The following TNRC6A variants were observed in gnomAD, a reference collection of about 807,000 sequenced individuals.
TNRC6A encodes the protein trinucleotide repeat-containing gene 6A protein.
A neutral mutation model predicts 221.2 loss-of-function variants in TNRC6A; 44 were observed. The observed-to-expected ratio is 0.20, with a 90% CI of 0.16 to 0.26. The LOEUF (loss-of-function observed/expected upper bound fraction) is 0.26, where lower values mean the gene tolerates loss of function less well. TNRC6A is among the 10% of genes least tolerant of loss of function. The pLI, the probability that TNRC6A is intolerant of heterozygous loss-of-function variation, is 1.00. For synonymous variants in TNRC6A, 847 were observed against 838.5 expected, an observed-to-expected ratio of 1.01 and a Z score of -0.18; for missense variants, 2,199 against 2,404.4, an observed-to-expected ratio of 0.91 and a Z score of 1.79.
At chr16:24,663,813 G>T (rs566310043) in intron 2 of TNRC6A, 7 of 422,474 alleles carry the variant, frequency 1.7e-5, no homozygotes, top group Non-Finnish European at 2.4e-5. Flanking sequence ...CAGCATGACC[G>T]CAGGCACCCA....
chr16:24,808,839 GA>G (rs1174698134), intron 17 of TNRC6A, among the ~76,000 whole-genome samples: 1 of 152,130 alleles, frequency 6.6e-6, no homozygotes, highest in African/African-American at 2.4e-5. Context: ...ACTCTTTTAA[GA>G]AAAACTAGCT....
intron 2 of TNRC6A, among the ~76,000 whole-genome samples, chr16:24,746,537 A>G (rs1339894314): frequency 6.6e-6 from 1 of 152,202 alleles, no homozygotes; most frequent in Non-Finnish European, 1.5e-5. Flanking sequence ...TGATTACAGG[A>G]TGATTTAACT....
At chr16:24,805,267 T>C in intron 14 of TNRC6A, 116 bp downstream of exon 14, 1 of 1,402,468 alleles carries the variant, frequency 7.1e-7, no homozygotes, top group Non-Finnish European at 9.7e-7. Flanking sequence ...TCTTTGAGAT[T>C]CAGCTAGTTT....
chr16:24,611,709 AG>A (rs1406798155), intron 1 of TNRC6A, among the ~76,000 whole-genome samples: 3 of 152,204 alleles, frequency 2.0e-5, no homozygotes, highest in Non-Finnish European at 4.4e-5. Flanking sequence ...AGGACAGATT[AG>A]AATGATGTTT....
chr16:24,664,540 T>A (rs1392535681), intron 2 of TNRC6A, among the ~76,000 whole-genome samples: 1 of 142,802 alleles, frequency 7.0e-6, no homozygotes, highest in East Asian at 2.0e-4. Flanking sequence ...TATATATTTT[T>A]AAAATATAAT....
intron 2 of TNRC6A, among the ~76,000 whole-genome samples, chr16:24,672,462 G>GA (rs1555487828): frequency 1.3e-5 from 2 of 151,118 alleles, no homozygotes; most frequent in Non-Finnish European, 2.9e-5. Flanking sequence ...TTTTTTTTGA[G>GA]ACAGGGTCTC....
chr16:24,657,475 C>T (rs1174077501), intron 2 of TNRC6A, among the ~76,000 whole-genome samples: 1 of 151,872 alleles, frequency 6.6e-6, no homozygotes, highest in African/African-American at 2.4e-5. Flanking sequence ...TTTGGGAGGC[C>T]GAGGCGGGTG....
intron 2 of TNRC6A, chr16:24,661,456 C>T (rs958377374): frequency 1.3e-5 from 2 of 150,112 alleles, no homozygotes; most frequent in Admixed American, 6.6e-5. Flanking sequence ...ACTCTGTCCC[C>T]GGTCTGGAGT....
Position 24,809,449 on chromosome 16 carries a change from A to G in TNRC6A, c.4640A>G (p.Asn1547Ser). Residue 1547 changes from asparagine to serine, a missense_variant, in exon 18 of 25, where the codon AAC becomes AGC. Around this residue, in one of 8 missense-constraint regions of TNRC6A, gnomAD observed 449 missense variants for 579.7 expected, o/e 0.77. Coordinates refer to ENST00000395799, the MANE Select transcript of TNRC6A (RefSeq NM_014494.4). Reference protein sequence around the residue: ...KWTTVDSISVNTSLDQNSSKH... With the variant: ...KWTTVDSISVSTSLDQNSSKH... ...ACGACAGTGGACAGCATTTCTGTGA[A>G]CACATCTTTGGATCAAAACTCCAGC... 1 of 1,592,548 alleles carries G rather than the reference A, an allele frequency of 6.3e-7. No individual in the cohort carries two copies. The highest frequency in any genetic ancestry group is 8.6e-7 in the Non-Finnish European group (1 of 1,166,998).
At chr16:24,819,848 G>A in intron 21 of TNRC6A, 2 of 386,510 alleles carry the variant, frequency 5.2e-6, no homozygotes, top group Non-Finnish European at 4.7e-6. Context: ...CTATTTTAGA[G>A]CAATTCAGAT....
intron 4 of TNRC6A, 105 bp from the exon 5 acceptor site, chr16:24,776,828 T>G: frequency 6.6e-7 from 1 of 1,514,330 alleles, no homozygotes; most frequent in Non-Finnish European, 8.8e-7. Flanking sequence ...AAGCTTCTGT[T>G]TTTTTAGGAT....
chr16:24,751,827 G>T (rs960524570), intron 3 of TNRC6A, among the ~76,000 whole-genome samples: 5 of 152,176 alleles, frequency 3.3e-5, no homozygotes, highest in Non-Finnish European at 5.9e-5. Context: ...GGGAACTGTT[G>T]CAGTACAGAG....
chr16:24,615,574 C>A (rs1317509077), intron 1 of TNRC6A, among the ~76,000 whole-genome samples: 1 of 152,042 alleles, frequency 6.6e-6, no homozygotes, highest in Non-Finnish European at 1.5e-5. Context: ...GCTCATGAAG[C>A]CAAGAGGGCA....
chr16:24,681,651 C>T (rs2055536209), intron 2 of TNRC6A, among the ~76,000 whole-genome samples: 1 of 152,074 alleles, frequency 6.6e-6, no homozygotes, highest in African/African-American at 2.4e-5. Flanking sequence ...TGTAATTAGT[C>T]CAACTGTTAA....
intron 9 of TNRC6A, 76 bp from the exon 10 acceptor site, chr16:24,797,414 G>A: frequency 8.9e-7 from 1 of 1,119,800 alleles, no homozygotes; most frequent in Non-Finnish European, 1.3e-6. Context: ...ATTGTCTTAA[G>A]TTTTATTAAT....
intron 6 of TNRC6A, 121 bp downstream of exon 6, chr16:24,791,938 G>GA: frequency 3.4e-6 from 4 of 1,169,026 alleles, no homozygotes; most frequent in Non-Finnish European, 4.6e-6. Flanking sequence ...GAAGCAGCTT[G>GA]AAAAAAATTA....
At chr16:24,662,233 G>A (rs1596619447) in intron 2 of TNRC6A, 1 of 151,982 alleles carries the variant, frequency 6.6e-6, no homozygotes, top group African/African-American at 2.4e-5. Context: ...GAGGATTACT[G>A]GAGTCCAGAA....
chr16:24,764,038 C>T (rs1346621990), intron 4 of TNRC6A, among the ~76,000 whole-genome samples: 1 of 152,116 alleles, frequency 6.6e-6, no homozygotes, highest in Non-Finnish European at 1.5e-5. Context: ...ATATTATTAA[C>T]TATATATCAG....
At chr16:24,617,185 G>A (rs147611038) in intron 1 of TNRC6A, among the ~76,000 whole-genome samples, 1 of 149,694 alleles carries the variant, frequency 6.7e-6, no homozygotes, top group Admixed American at 6.7e-5. Context: ...GAGTGCAGTG[G>A]TGCAATCATA....
Sources: gnomAD v4.1 joint callset for allele counts (sites outside exome capture counted in the v4.1 genomes callset) on GRCh38, gnomAD v4.1.1 for gene constraint, gnomAD v4.1.1 regional missense constraint, MANE v1.5 for transcripts, NCBI Gene and HGNC (gene_info 2026-07-23, HGNC 2026-07-21) for gene names.